GNAI1: variants seen among roughly 807,000 people sequenced by gnomAD.
GNAI1 encodes the protein G protein subunit alpha i1.
In GNAI1, 11 loss-of-function variants were observed where a neutral mutation model predicts 38.9. The observed-to-expected ratio is 0.28, with a 90% CI of 0.18 to 0.47. The LOEUF (loss-of-function observed/expected upper bound fraction) is 0.47. GNAI1 is among the 20% of genes least tolerant of loss of function. The pLI, the probability that GNAI1 is intolerant of heterozygous loss-of-function variation, is 0.99. For synonymous variants in GNAI1, 166 were observed against 145.1 expected (o/e 1.14, Z -1.04); for missense variants, 317 against 436.9 (o/e 0.73, Z 2.45).
At chr7:80,142,381 A>G (rs144048196) in intron 1 of GNAI1, among the ~76,000 whole-genome samples, 1 of 152,362 alleles carries the variant, frequency 6.6e-6, no homozygotes, top group African/African-American at 2.4e-5. Flanking sequence ...CTCAAGTCGT[A>G]ATGTGAAAGA....
chr7:80,147,727 CT>C (rs900684010), intron 1 of GNAI1, among the ~76,000 whole-genome samples: 13 of 152,254 alleles, frequency 8.5e-5, no homozygotes, highest in African/African-American at 2.9e-4. Context: ...GAAAACTACC[CT>C]TCATGTTTAG....
Position 80,203,772 on chromosome 7 carries a change from C to T in GNAI1, c.530C>T (p.Thr177Ile), listed in dbSNP as rs1408290484. 6.3e-7 allele frequency: 1 copy of T among 1,585,712 alleles called. No homozygotes were observed. The highest frequency in any genetic ancestry group is 8.6e-7 in the Non-Finnish European group (1 of 1,156,164). ...YIPTQQDVLR[T>I]RVKTTGIVET... Reference sequence around the variant, plus strand: ...CCGACTCAACAAGATGTTCTCAGAACTAGAGTGAAAACTACAGGAATTGTT... The same window carrying T: ...CCGACTCAACAAGATGTTCTCAGAATTAGAGTGAAAACTACAGGAATTGTT... The change falls in exon 5 of 8, where the codon ACT (threonine) becomes ATT (isoleucine). Residue 177 changes from threonine to isoleucine, a missense_variant. Physicochemically the swap from Thr to Ile is moderately conservative, Grantham distance 89. Transcript: ENST00000649796.
intron 1 of GNAI1, among the ~76,000 whole-genome samples, chr7:80,156,529 GTGATCT>G (rs1269194889): frequency 6.6e-6 from 1 of 151,916 alleles, no homozygotes; most frequent in African/African-American, 2.4e-5. Context: ...CCTGACTCAA[GTGATCT>G]TCCTTGTCTT....
intron 7 of GNAI1, among the ~76,000 whole-genome samples, chr7:80,213,976 T>A (rs1175325687): frequency 6.6e-6 from 1 of 152,148 alleles, no homozygotes; most frequent in Non-Finnish European, 1.5e-5. Flanking sequence ...GTGATGTCAG[T>A]GCTCAGGTAT....
chr7:80,139,383 T>C (rs1354148383), intron 1 of GNAI1, among the ~76,000 whole-genome samples: 1 of 152,190 alleles, frequency 6.6e-6, no homozygotes, highest in Non-Finnish European at 1.5e-5. Flanking sequence ...TAAAATCTTT[T>C]AGACTTGGCT....
intron 1 of GNAI1, among the ~76,000 whole-genome samples, chr7:80,153,375 A>G (rs1787761684): frequency 6.6e-6 from 1 of 152,192 alleles, no homozygotes; most frequent in Admixed American, 6.5e-5. Context: ...GTATTTTTCT[A>G]ATAACTTTTA....
chr7:80,188,862 GT>G (rs1788432157), intron 1 of GNAI1, 88 bp from the exon 2 acceptor site: 11 of 798,412 alleles, frequency 1.4e-5, no homozygotes. Context: ...CTGGGTGTGT[GT>G]GTGTGTGTGT....
In GNAI1 at chr7:80,222,382, ATTTT is replaced by A. The variant is rs67345654; in HGVS notation, c.*4905_*4908del. Among the ~76,000 whole-genome samples, 4 of 127,874 alleles carry A rather than the reference ATTTT, an allele frequency of 3.1e-5. No homozygotes were observed. The highest frequency in any genetic ancestry group is 4.8e-5 in the Non-Finnish European group (3 of 61,962). 83.9% of individuals were successfully genotyped at this position (127,874 alleles called of 152,430 possible). On this transcript the variant is annotated 3_prime_UTR_variant, in exon 8 of 8. Transcript: ENST00000649796. ...TGAAGGAGCTAGTTCTTCAAATTTAATTTTTTTTTTTTTTTTTTTCCTGAGACAG... is the reference window on the plus strand; with the variant it reads ...TGAAGGAGCTAGTTCTTCAAATTTAATTTTTTTTTTTTTTTCCTGAGACAG...
chr7:80,203,631 T>G, intron 4 of GNAI1, 73 bp from the exon 5 acceptor site: 1 of 926,176 alleles, frequency 1.1e-6, no homozygotes, highest in Non-Finnish European at 1.7e-6. Context: ...GAAATGTGTT[T>G]TAATTTTTGT....
chr7:80,169,014 G>T (rs1170178439), intron 1 of GNAI1, among the ~76,000 whole-genome samples: 7 of 152,066 alleles, frequency 4.6e-5, no homozygotes, highest in African/African-American at 1.7e-4. Context: ...AATGTTGCTT[G>T]TTCTGTCCCT....
chr7:80,188,726 T>C (rs1026625788), intron 1 of GNAI1, among the ~76,000 whole-genome samples: 22 of 152,198 alleles, frequency 1.4e-4, no homozygotes, highest in Admixed American at 1.4e-3. Context: ...ATTATTACTG[T>C]ACAACTACAG....
chr7:80,197,021 G>T lies in GNAI1; in HGVS notation c.304-2204G>T, dbSNP rs138126173. Reference sequence around the variant, plus strand: ...TTGTACTTCAGTCTGGACTTCTGTAGACTTGGTCATCCCATGTATCTGCTA... The same window carrying T: ...TTGTACTTCAGTCTGGACTTCTGTATACTTGGTCATCCCATGTATCTGCTA... On this transcript the variant is annotated intron_variant, in intron 3 of 7. Coordinates refer to ENST00000649796, the MANE Select transcript of GNAI1 (RefSeq NM_002069.6). 7.2e-3 allele frequency among the ~76,000 whole-genome samples: 1,086 copies of T among 151,856 alleles called. 15 individuals are homozygous for T. Among genetic ancestry groups the T allele is most frequent in the African/African-American group, 0.024 (1,007 of 41,486 alleles).
At chr7:80,149,557 C>A (rs767761770) in intron 1 of GNAI1, among the ~76,000 whole-genome samples, 1 of 151,980 alleles carries the variant, frequency 6.6e-6, no homozygotes, top group Non-Finnish European at 1.5e-5. Context: ...CCCATTGTTA[C>A]TTTAATCTGC....
chr7:80,186,021 CTCTTTTTTTT>C (rs754357501), intron 1 of GNAI1, among the ~76,000 whole-genome samples: 1 of 113,592 alleles, frequency 8.8e-6, no homozygotes, highest in South Asian at 3.8e-4. Context: ...GCCATCCGCA[CTCTTTTTTTT>C]TTTTTTTTTT....
intron 1 of GNAI1, among the ~76,000 whole-genome samples, chr7:80,184,397 G>A (rs1788354448): frequency 6.6e-6 from 1 of 152,140 alleles, no homozygotes; most frequent in South Asian, 2.1e-4. Context: ...CTTGGGGTGG[G>A]CTGTTCACAT....
chr7:80,184,711 T>A (rs1360911723), intron 1 of GNAI1, among the ~76,000 whole-genome samples: 1 of 152,154 alleles, frequency 6.6e-6, no homozygotes, highest in Non-Finnish European at 1.5e-5. Context: ...TTTAACAACC[T>A]CCTGTCCATC....
At chr7:80,217,258 A>ATT in intron 7 of GNAI1, 45 bp from the exon 8 acceptor site, 2 of 1,270,180 alleles carry the variant, frequency 1.6e-6, no homozygotes, top group South Asian at 3.0e-5. Context: ...TTAAGCAGTT[A>ATT]TTTTAACTTT....
intron 3 of GNAI1, among the ~76,000 whole-genome samples, chr7:80,194,185 A>T (rs1374512896): frequency 6.6e-6 from 1 of 152,074 alleles, no homozygotes; most frequent in East Asian, 1.9e-4. Flanking sequence ...AATCTTTGCT[A>T]ATTTGTTGTT....
intron 1 of GNAI1, among the ~76,000 whole-genome samples, chr7:80,153,354 A>G (rs1787761552): frequency 6.6e-6 from 1 of 152,126 alleles, no homozygotes; most frequent in South Asian, 2.1e-4. Context: ...AGTAAGCTGT[A>G]GTTAATGCTT....
Sources: gnomAD v4.1 joint callset for allele counts (sites outside exome capture counted in the v4.1 genomes callset) on GRCh38, gnomAD v4.1.1 for gene constraint, MANE v1.5 for transcripts, NCBI Gene and HGNC (gene_info 2026-07-23, HGNC 2026-07-21) for gene names.